The following NKAIN2 variants were observed in gnomAD, a reference collection of about 807,000 sequenced individuals.
NKAIN2 encodes the protein sodium/potassium-transporting ATPase subunit beta-1-interacting protein 2.
Under a neutral mutation model 32.6 loss-of-function variants are expected in NKAIN2, and 14 were observed. The ratio of observed to expected loss-of-function variants is 0.43; its 90% CI spans 0.28 to 0.67. The LOEUF (loss-of-function observed/expected upper bound fraction) is 0.67, where lower values mean the gene tolerates loss of function less well. Ranked by LOEUF, NKAIN2 falls within the 30% of genes least tolerant of loss-of-function variation. NKAIN2 has a pLI of 0.17. For synonymous variants in NKAIN2, 80 were observed against 87.2 expected, an observed-to-expected ratio of 0.92 and a Z score of 0.46; for missense variants, 198 against 258.3, an observed-to-expected ratio of 0.77 and a Z score of 1.60.
chr6:124,075,219 G>A (rs6932669), intron 1 of NKAIN2, among the ~76,000 whole-genome samples: 37,326 of 151,994 alleles, frequency 0.25, 6,358 homozygotes, highest in African/African-American at 0.48. Context: ...GTTAAAACAT[G>A]AGTAAAAAAC....
intron 3 of NKAIN2, among the ~76,000 whole-genome samples, chr6:124,467,774 A>G (rs764003029): frequency 7.2e-5 from 11 of 152,134 alleles, no homozygotes; most frequent in Non-Finnish European, 1.6e-4. Flanking sequence ...TGATTATAAT[A>G]TTTCATGTTT....
intron 2 of NKAIN2, among the ~76,000 whole-genome samples, chr6:124,315,333 A>T (rs1796904398): frequency 6.6e-6 from 1 of 152,174 alleles, no homozygotes; most frequent in African/African-American, 2.4e-5. Flanking sequence ...AGGATATTAC[A>T]AAAAGCAAAT....
intron 1 of NKAIN2, among the ~76,000 whole-genome samples, chr6:124,153,934 C>T (rs1233200183): frequency 1.4e-5 from 2 of 146,948 alleles, no homozygotes; most frequent in Non-Finnish European, 1.5e-5. Flanking sequence ...TTATCTATTC[C>T]TTTTTTTTTT....
At chr6:124,605,202 G>A (rs1046107147) in intron 3 of NKAIN2, among the ~76,000 whole-genome samples, 10 of 152,010 alleles carry the variant, frequency 6.6e-5, no homozygotes, top group African/African-American at 2.2e-4. Context: ...TAGAAATATT[G>A]CCAGGAAACT....
intron 1 of NKAIN2, among the ~76,000 whole-genome samples, chr6:124,115,816 T>C (rs912029166): frequency 1.3e-5 from 2 of 152,050 alleles, no homozygotes; most frequent in Non-Finnish European, 2.9e-5. Context: ...ATTTCAGAAA[T>C]ATTAAAATGT....
chr6:124,638,859 C>A (rs997930551), intron 3 of NKAIN2, among the ~76,000 whole-genome samples: 2 of 127,774 alleles, frequency 1.6e-5, no homozygotes, highest in African/African-American at 2.9e-5. Context: ...CCACTGCACT[C>A]CAGCCTGGGG....
At chr6:124,393,753 G>A (rs1029668301) in intron 3 of NKAIN2, among the ~76,000 whole-genome samples, 7 of 152,092 alleles carry the variant, frequency 4.6e-5, no homozygotes, top group Admixed American at 1.3e-4. Flanking sequence ...TCATGCATGC[G>A]TAATGGCTGT....
At chr6:123,936,338 C>G (rs560694876) in intron 1 of NKAIN2, among the ~76,000 whole-genome samples, 2 of 152,170 alleles carry the variant, frequency 1.3e-5, no homozygotes, top group Non-Finnish European at 2.9e-5. Flanking sequence ...TCTGCATAAA[C>G]TAGAAGTAAA....
At chr6:124,614,926 C>T (rs1782827229) in intron 3 of NKAIN2, among the ~76,000 whole-genome samples, 2 of 152,174 alleles carry the variant, frequency 1.3e-5, no homozygotes, top group Admixed American at 6.5e-5. Flanking sequence ...TCCCTTTTTA[C>T]AAAGCACCTT....
At chr6:124,298,836 G>A (rs1474683512) in intron 2 of NKAIN2, among the ~76,000 whole-genome samples, 1 of 152,054 alleles carries the variant, frequency 6.6e-6, no homozygotes, top group Non-Finnish European at 1.5e-5. Flanking sequence ...TCATGTAAGG[G>A]CTGCTACAGG....
intron 3 of NKAIN2, among the ~76,000 whole-genome samples, chr6:124,637,501 T>G (rs542735036): frequency 6.6e-6 from 1 of 152,210 alleles, no homozygotes; most frequent in South Asian, 2.1e-4. Flanking sequence ...AAATAAATTT[T>G]TGCATTATTT....
At chr6:124,576,260 G>GC (rs1781330965) in intron 3 of NKAIN2, among the ~76,000 whole-genome samples, 1 of 152,178 alleles carries the variant, frequency 6.6e-6, no homozygotes, top group East Asian at 1.9e-4. Context: ...AACTGAACTA[G>GC]TAACTTTTTT....
intron 3 of NKAIN2, among the ~76,000 whole-genome samples, chr6:124,373,441 GGGT>G (rs1799857113): frequency 1.3e-5 from 2 of 152,148 alleles, no homozygotes. Context: ...GCAGGGTGTA[GGGT>G]GTGTCAGTCT....
At chr6:124,227,885 A>G (rs947185574) in intron 1 of NKAIN2, among the ~76,000 whole-genome samples, 10 of 152,200 alleles carry the variant, frequency 6.6e-5, no homozygotes, top group Admixed American at 2.0e-4. Context: ...ACAAGATACC[A>G]TAGACTGGGT....
intron 1 of NKAIN2, among the ~76,000 whole-genome samples, chr6:124,112,001 T>G (rs1258572484): frequency 6.6e-6 from 1 of 152,186 alleles, no homozygotes; most frequent in Non-Finnish European, 1.5e-5. Context: ...CTATTCATAT[T>G]ATTTATCTTT....
intron 2 of NKAIN2, among the ~76,000 whole-genome samples, chr6:124,306,007 G>T (rs907105025): frequency 3.3e-5 from 5 of 152,002 alleles, no homozygotes; most frequent in Non-Finnish European, 7.4e-5. Flanking sequence ...ACTAGTAGAT[G>T]ATTCTTGTCA....
At chr6:124,177,439 T>G (rs1789216192) in intron 1 of NKAIN2, among the ~76,000 whole-genome samples, 1 of 152,186 alleles carries the variant, frequency 6.6e-6, no homozygotes, top group African/African-American at 2.4e-5. Context: ...GAATCCTTTT[T>G]TGTGGCCCAG....
chr6:124,165,198 T>A (rs1290158722), intron 1 of NKAIN2, among the ~76,000 whole-genome samples: 2 of 152,066 alleles, frequency 1.3e-5, no homozygotes, highest in Non-Finnish European at 2.9e-5. Flanking sequence ...TTTTAAACAT[T>A]TTGAAATATG....
intron 2 of NKAIN2, among the ~76,000 whole-genome samples, chr6:124,317,949 TTTGC>T (rs1380754404): frequency 6.6e-6 from 1 of 152,058 alleles, no homozygotes; most frequent in Non-Finnish European, 1.5e-5. Flanking sequence ...GCTAATGAAG[TTTGC>T]TGGTTGGATT....
Sources: gnomAD v4.1 joint callset for allele counts (sites outside exome capture counted in the v4.1 genomes callset) on GRCh38, gnomAD v4.1.1 for gene constraint, MANE v1.5 for transcripts, NCBI Gene and HGNC (gene_info 2026-07-23, HGNC 2026-07-21) for gene names.